PRRC2C: variants seen among roughly 807,000 people sequenced by gnomAD.
PRRC2C encodes protein PRRC2C.
In PRRC2C, 72 loss-of-function variants were observed where a neutral mutation model predicts 317.2. The observed-to-expected ratio is 0.23, with a 90% CI of 0.19 to 0.28. The LOEUF (loss-of-function observed/expected upper bound fraction) is 0.28, where lower values mean the gene tolerates loss of function less well. Ranked by LOEUF, PRRC2C falls within the 10% of genes least tolerant of loss-of-function variation. PRRC2C has a pLI of 1.00. For synonymous variants in PRRC2C, 1,296 were observed against 1,205.9 expected (o/e 1.07, Z -1.55); for missense variants, 3,074 against 3,459.7 (o/e 0.89, Z 2.80).
At chr1:171,502,912 G>A (rs1201039086) in intron 1 of PRRC2C, among the ~76,000 whole-genome samples, 2 of 152,074 alleles carry the variant, frequency 1.3e-5, no homozygotes, top group African/African-American at 4.8e-5. Flanking sequence ...TAGTAGAGAT[G>A]AGGTTTCACC....
intron 14 of PRRC2C, 34 bp from the exon 15 acceptor site, chr1:171,537,229 C>T (rs1677001765): frequency 6.7e-7 from 1 of 1,482,244 alleles, no homozygotes; most frequent in Non-Finnish European, 9.2e-7. Context: ...TTTTCAAAAT[C>T]CTCATTTCAC....
chr1:171,569,580 A>ATATATATATATATATATATATATG (rs1285146712), intron 23 of PRRC2C, among the ~76,000 whole-genome samples: 2 of 124,268 alleles, frequency 1.6e-5, no homozygotes, highest in African/African-American at 2.9e-5. Flanking sequence ...GTTTAAATAT[A>ATATATATATATATATATATATATG]TATATATATA....
chr1:171,556,720 A>G (rs559062802), intron 18 of PRRC2C, among the ~76,000 whole-genome samples: 1 of 152,394 alleles, frequency 6.6e-6, no homozygotes, highest in South Asian at 2.1e-4. Context: ...CCTGGCCTAC[A>G]AAAGTATCTA....
intron 6 of PRRC2C, among the ~76,000 whole-genome samples, chr1:171,521,882 T>A (rs1673647668): frequency 6.6e-6 from 1 of 152,212 alleles, no homozygotes; most frequent in South Asian, 2.1e-4. Context: ...TACAGTTACT[T>A]TAATGTGTAC....
chr1:171,535,917 TCTTA>T (rs1249627087), intron 13 of PRRC2C, 108 bp from the exon 14 acceptor site: 17 of 1,354,258 alleles, frequency 1.3e-5, no homozygotes, highest in Non-Finnish European at 1.6e-5. Flanking sequence ...CCTTTTGAAC[TCTTA>T]CTTTTCCTTC....
In PRRC2C at chr1:171,592,017, A is replaced by C; in HGVS notation, c.*170A>C. ...ATTTACACTGACACACAGCTGCTGT[A>C]CCAGTGAAAACGAGGCTTTGCAAGC... is the stretch of plus-strand genomic sequence containing the variant. On this transcript the variant is annotated 3_prime_UTR_variant, in exon 35 of 35. Coordinates refer to ENST00000647382, the MANE Select transcript of PRRC2C (RefSeq NM_001387844.1). 2.4e-6 allele frequency: 2 copies of C among 818,140 alleles called. No individual in the cohort carries two copies. Among genetic ancestry groups the C allele is most frequent in the South Asian group, 2.2e-5 (1 of 44,988 alleles). The allele number at this position is 818,140 out of a possible 1,614,324, so 50.7% of individuals were successfully genotyped here. A position where few individuals can be genotyped will look rare whatever the true frequency, so the allele number is the denominator to read the frequency against.
rs1236663155 is a variant in PRRC2C at position 171,559,505 on chromosome 1, G to GTTTTTTTTT, written c.6031+1365_6031+1366insTTTTTTTTT. Among the ~76,000 whole-genome samples, 48 of 95,132 alleles carry GTTTTTTTTT rather than the reference G, an allele frequency of 5.0e-4. 20 individuals carry two copies. Among genetic ancestry groups the GTTTTTTTTT allele is most frequent in the African/African-American group, 1.0e-3 (25 of 24,886 alleles). 62.4% of individuals were successfully genotyped at this position (95,132 alleles called of 152,430 possible). ...ATCTGTTTACAAAATGGCATACCAA[G>GTTTTTTTTT]TTTGTTTTTTTTTTTTTTTTTTTTT... On this transcript the variant is annotated intron_variant, in intron 19 of 34. Transcript: ENST00000647382.
chr1:171,547,731 C>T (rs1365486998), intron 17 of PRRC2C, among the ~76,000 whole-genome samples: 1 of 147,920 alleles, frequency 6.8e-6, no homozygotes, highest in Admixed American at 6.9e-5. Context: ...GCAACCTCTA[C>T]CTCCTCGGTT....
intron 23 of PRRC2C, among the ~76,000 whole-genome samples, chr1:171,570,504 G>A (rs1684604425): frequency 2.0e-5 from 3 of 152,114 alleles, no homozygotes. Context: ...TCTCCATTAG[G>A]TAGTCCATAG....
At chr1:171,580,069 A>G in intron 28 of PRRC2C, 105 bp downstream of exon 28, 2 of 1,060,206 alleles carry the variant, frequency 1.9e-6, no homozygotes, top group Non-Finnish European at 1.2e-6. Flanking sequence ...ACCTAGGATG[A>G]CTCTGCTATA....
chr1:171,568,374 T>C (rs770273622), intron 23 of PRRC2C, 35 bp downstream of exon 23: 24 of 1,567,456 alleles, frequency 1.5e-5, no homozygotes, highest in Middle Eastern at 3.3e-4. Context: ...CAAGTTTGGA[T>C]TGGAACCTGG....
At chr1:171,499,538 C>A (rs921186704) in intron 1 of PRRC2C, among the ~76,000 whole-genome samples, 2 of 152,170 alleles carry the variant, frequency 1.3e-5, no homozygotes, top group Non-Finnish European at 2.9e-5. Context: ...CGCCTGTAAT[C>A]TCAGCACTTT....
At chr1:171,566,160 T>C in intron 20 of PRRC2C, 73 bp from the exon 21 acceptor site, 1 of 1,221,970 alleles carries the variant, frequency 8.2e-7, no homozygotes, top group Non-Finnish European at 1.1e-6. Context: ...GTACTTAAAC[T>C]GTATAGTGCT....
rs1254821746 is a variant in PRRC2C, at chr1:171,526,146, T to C, written c.1200+1181T>C. Among the ~76,000 whole-genome samples the C allele has an allele frequency of 4.6e-5, 7 of 152,330 alleles. No individual in the cohort carries two copies. The East Asian group carries it at 1.3e-3, about 29-fold the overall frequency. On this transcript the variant is annotated intron_variant, in intron 10 of 34. Coordinates refer to ENST00000647382, the MANE Select transcript of PRRC2C (RefSeq NM_001387844.1). ...TTTTTGTGACAGTCATGTGACAGTT[T>C]ATATTAGCAAGTGAATGTTTCATGT...
rs1166238200 is a variant in PRRC2C at position 171,593,084 on chromosome 1, C to G, written c.*1237C>G. The G allele has an allele frequency of 6.6e-6, 1 of 151,944 alleles. No homozygotes were observed. Among genetic ancestry groups the G allele is most frequent in the African/African-American group, 2.4e-5 (1 of 41,362 alleles). 9.4% of individuals were successfully genotyped at this position (151,944 alleles called of 1,614,324 possible). ...TAAAAAACGGTGCCAGGTACCACAA[C>G]AGTAACAGAACTTTGCAATTTTCTG... On this transcript the variant is annotated 3_prime_UTR_variant, in exon 35 of 35. Transcript: ENST00000647382.
chr1:171,558,378 T>TC (rs1553235973), intron 19 of PRRC2C, among the ~76,000 whole-genome samples: 2 of 150,726 alleles, frequency 1.3e-5, no homozygotes, highest in African/African-American at 4.9e-5. Context: ...AGGCAATGTT[T>TC]GGGGGGGTCT....
chr1:171,577,770 C>CTT (rs1558039721), intron 26 of PRRC2C, 133 bp downstream of exon 26: 2 of 331,124 alleles, frequency 6.0e-6, no homozygotes, highest in South Asian at 4.0e-5. Context: ...TTTAAATTCG[C>CTT]ATTTTTTTTT....
chr1:171,508,192 G>A (rs1467899096), intron 1 of PRRC2C, among the ~76,000 whole-genome samples: 1 of 152,084 alleles, frequency 6.6e-6, no homozygotes, highest in Non-Finnish European at 1.5e-5. Context: ...GAATAGAAAT[G>A]GTAAAAGTGG....
chr1:171,519,935 A>C (rs1015897871), intron 6 of PRRC2C, among the ~76,000 whole-genome samples: 3 of 152,150 alleles, frequency 2.0e-5, no homozygotes, highest in Non-Finnish European at 2.9e-5. Context: ...TTTTTTAATC[A>C]TTCTAGACTA....
Sources: gnomAD v4.1 joint callset for allele counts (sites outside exome capture counted in the v4.1 genomes callset) on GRCh38, gnomAD v4.1.1 for gene constraint, MANE v1.5 for transcripts, NCBI Gene and HGNC (gene_info 2026-07-23, HGNC 2026-07-21) for gene names.